MALRD1: variants seen among roughly 807,000 people sequenced by gnomAD.
The protein encoded by MALRD1 is MAM and LDL receptor class A domain containing 1.
In MALRD1, 247 loss-of-function variants were observed where a neutral mutation model predicts 242.1. The ratio of observed to expected loss-of-function variants is 1.02; its 90% CI spans 0.92 to 1.13. The LOEUF is 1.13. Among genes scored for constraint, MALRD1 ranks in the 50% most tolerant of loss-of-function variants. MALRD1 has a pLI of 0.00. For synonymous variants in MALRD1, 995 were observed against 866.6 expected (o/e 1.15, Z -2.60); for missense variants, 2,989 against 2,533.1 (o/e 1.18, Z -3.86).
chr10:19,479,134 AT>A (rs1341568183), intron 29 of MALRD1, among the ~76,000 whole-genome samples: 1 of 152,228 alleles, frequency 6.6e-6, no homozygotes, highest in Non-Finnish European at 1.5e-5. Context: ...TTGTGCTAGT[AT>A]TGAGTATATA....
At position 19,450,287 on chromosome 10, in the gene MALRD1, A is replaced by G. The variant is rs1564352116; in HGVS notation, c.4846-20A>G. The G allele has an allele frequency of 6.5e-7, 1 of 1,537,888 alleles. No homozygotes were observed. Among genetic ancestry groups the G allele is most frequent in the Non-Finnish European group, 8.8e-7 (1 of 1,141,050 alleles). ...TTTTGTGTTTGATTATTTCCCTCAT[A>G]CAAACTTCTTTACTTTCAGACAGAG... is the stretch of plus-strand genomic sequence containing the variant. On this transcript the variant is annotated intron_variant, in intron 28 of 39. Coordinates refer to ENST00000454679, the MANE Select transcript of MALRD1 (RefSeq NM_001142308.3).
At chr10:19,370,859 G>A (rs1007590213) in intron 26 of MALRD1, among the ~76,000 whole-genome samples, 1 of 152,114 alleles carries the variant, frequency 6.6e-6, no homozygotes, top group Non-Finnish European at 1.5e-5. Flanking sequence ...TAACAGGCAT[G>A]AGCCACTGCA....
chr10:19,208,727 G>A (rs1564468147), intron 17 of MALRD1, among the ~76,000 whole-genome samples: 1 of 152,172 alleles, frequency 6.6e-6, no homozygotes. Context: ...GTGAGCCCCA[G>A]GTGATTCTTA....
intron 14 of MALRD1, among the ~76,000 whole-genome samples, chr10:19,186,830 T>C (rs922251470): frequency 2.0e-5 from 3 of 152,176 alleles, no homozygotes; most frequent in African/African-American, 7.2e-5. Context: ...TTTTCTCACA[T>C]GCCACTACTC....
intron 28 of MALRD1, among the ~76,000 whole-genome samples, chr10:19,402,580 C>T (rs1056579871): frequency 2.0e-5 from 3 of 152,014 alleles, no homozygotes; most frequent in African/African-American, 7.2e-5. Flanking sequence ...TATAAATTAC[C>T]CACTCTTGGG....
intron 21 of MALRD1, among the ~76,000 whole-genome samples, chr10:19,317,367 C>T (rs555692934): frequency 8.6e-4 from 131 of 151,990 alleles, no homozygotes; most frequent in African/African-American, 3.1e-3. Flanking sequence ...AACCCAACCA[C>T]CTCCCAGTGG....
intron 36 of MALRD1, among the ~76,000 whole-genome samples, chr10:19,621,939 T>G (rs1839420728): frequency 6.6e-6 from 1 of 151,802 alleles, no homozygotes; most frequent in Admixed American, 6.6e-5. Context: ...TGTGAAAAAG[T>G]CTTTGAAAAA....
intron 10 of MALRD1, among the ~76,000 whole-genome samples, chr10:19,141,802 A>G (rs1833553648): frequency 1.3e-5 from 2 of 152,152 alleles, no homozygotes; most frequent in Non-Finnish European, 2.9e-5. Flanking sequence ...TAGTCAAATG[A>G]AAGAAATTTA....
chr10:19,161,087 A>G (rs1402924594), intron 12 of MALRD1, among the ~76,000 whole-genome samples: 3 of 145,146 alleles, frequency 2.1e-5, no homozygotes, highest in Admixed American at 7.0e-5. Context: ...ACAATAGCAA[A>G]GACTTGGAAC....
intron 36 of MALRD1, among the ~76,000 whole-genome samples, chr10:19,655,013 A>G (rs1841076100): frequency 6.6e-6 from 1 of 152,202 alleles, no homozygotes. Context: ...ATGAAACTAA[A>G]TATGCATTTT....
In MALRD1 at chr10:19,392,550, G is replaced by T. The variant is rs146843366; in HGVS notation, c.4845+2941G>T. ...GAAACCTCAACAAAGCAAAGCTATT[G>T]CTTTTGAGAACATTTGGTAAAGAGC... On this transcript the variant is annotated intron_variant, in intron 28 of 39. Transcript: ENST00000454679. 2.6e-3 allele frequency among the ~76,000 whole-genome samples: 400 copies of T among 152,230 alleles called. 1 individual carries two copies. The highest frequency in any genetic ancestry group is 9.1e-3 in the African/African-American group (378 of 41,540).
At chr10:19,144,438 G>A (rs1171846975) in intron 10 of MALRD1, among the ~76,000 whole-genome samples, 1 of 152,204 alleles carries the variant, frequency 6.6e-6, no homozygotes, top group Non-Finnish European at 1.5e-5. Flanking sequence ...AATCGGAAGT[G>A]GCATTGTCAT....
At position 19,687,969 on chromosome 10, in the gene MALRD1, T is replaced by TTA. The variant is rs1369351604; in HGVS notation, c.6138-4311_6138-4310dup. Among the ~76,000 whole-genome samples the TTA allele has an allele frequency of 4.3e-5, 6 of 138,068 alleles. No homozygotes were observed. In the Admixed American group the frequency reaches 4.5e-4, roughly 10 times the overall value. The allele number at this position is 138,068 out of a possible 152,430, so 90.6% of individuals were successfully genotyped here. ...TTATGTTATGTTATGTTATGTTATG[T>TTA]TATGTTATGTTATTTTTGGAGAAGG... On this transcript the variant is annotated intron_variant, in intron 36 of 39. Transcript: ENST00000454679.
At chr10:19,418,998 C>A (rs142353830) in intron 28 of MALRD1, among the ~76,000 whole-genome samples, 1 of 152,120 alleles carries the variant, frequency 6.6e-6, no homozygotes, top group African/African-American at 2.4e-5. Flanking sequence ...CATACGTGAT[C>A]ATTTCACTAT....
At chr10:19,126,877 C>T (rs1201693537) in intron 7 of MALRD1, among the ~76,000 whole-genome samples, 4 of 152,170 alleles carry the variant, frequency 2.6e-5, no homozygotes, top group South Asian at 2.1e-4. Context: ...TTAAGACCAG[C>T]GTGCATTAGC....
intron 1 of MALRD1, among the ~76,000 whole-genome samples, chr10:19,050,118 C>T (rs1455446217): frequency 1.1e-4 from 14 of 132,592 alleles, no homozygotes; most frequent in African/African-American, 2.5e-4. Context: ...GACGGAGTCT[C>T]GCTCTGTCGC....
chr10:19,683,634 A>C (rs1005671602), intron 36 of MALRD1, among the ~76,000 whole-genome samples: 4 of 152,210 alleles, frequency 2.6e-5, no homozygotes, highest in African/African-American at 9.6e-5. Context: ...ATGAGGCTTA[A>C]TGTGATAAAC....
chr10:19,403,900 T>A (rs1456190575), intron 28 of MALRD1, among the ~76,000 whole-genome samples: 1 of 152,088 alleles, frequency 6.6e-6, no homozygotes, highest in African/African-American at 2.4e-5. Flanking sequence ...TTCATTAGAA[T>A]CGGAGCTGAA....
At chr10:19,141,616 T>TAC (rs1339664990) in intron 10 of MALRD1, among the ~76,000 whole-genome samples, 1 of 151,916 alleles carries the variant, frequency 6.6e-6, no homozygotes, top group Non-Finnish European at 1.5e-5. Flanking sequence ...GAAAAATATA[T>TAC]ATATATATAG....
Sources: gnomAD v4.1 joint callset for allele counts (sites outside exome capture counted in the v4.1 genomes callset) on GRCh38, gnomAD v4.1.1 for gene constraint, MANE v1.5 for transcripts, NCBI Gene and HGNC (gene_info 2026-07-23, HGNC 2026-07-21) for gene names.